Variants in MEIOB observed in about 807,000 individuals in gnomAD.
MEIOB encodes meiosis specific with OB-fold.
MEIOB carries 50 observed loss-of-function variants against 53.1 expected under a neutral mutation model. The ratio of observed to expected loss-of-function variants is 0.94; its 90% CI spans 0.75 to 1.19. The LOEUF (loss-of-function observed/expected upper bound fraction) is 1.19, where lower values mean the gene tolerates loss of function less well. Among genes scored for constraint, MEIOB ranks in the 50% most tolerant of loss-of-function variants. The pLI, the probability that MEIOB is intolerant of heterozygous loss-of-function variation, is 0.00. For synonymous variants in MEIOB, 192 were observed against 182.5 expected, an observed-to-expected ratio of 1.05 and a Z score of -0.42; for missense variants, 551 against 550.8, an observed-to-expected ratio of 1.00 and a Z score of 0.00.
At chr16:1,871,826 TG>T (rs1292345167) in intron 1 of MEIOB, among the ~76,000 whole-genome samples, 166 bp downstream of exon 1, 2 of 18,600 alleles carry the variant, frequency 1.1e-4, no homozygotes, top group East Asian at 1.7e-3. Flanking sequence ...CCAGGTATGG[TG>T]GCGCACGCCT....
In MEIOB at chr16:1,839,272, C is replaced by G; in HGVS notation, c.1201G>C (p.Glu401Gln). 1 of 1,610,952 alleles carries G rather than the reference C, an allele frequency of 6.2e-7. No homozygotes were observed. Among genetic ancestry groups the G allele is most frequent in the Non-Finnish European group, 8.5e-7 (1 of 1,178,766 alleles). The change falls in exon 12 of 14, where the codon GAG becomes CAG. Residue 401 changes from glutamate to glutamine, a missense_variant. By Grantham distance (29) the Glu-to-Gln change is conservative (BLOSUM62 2). Coordinates refer to ENST00000325962, the MANE Select transcript of MEIOB (RefSeq NM_001163560.3). ...SCSLTGSVAE[E>Q]TLGCTVHEFL... Reference sequence around the variant, plus strand: ...CTATTTACCGTGCAGCCCAAAGTCTCCTCAGCAACACTTCCTGTGAGACTA... The same window carrying G: ...CTATTTACCGTGCAGCCCAAAGTCTGCTCAGCAACACTTCCTGTGAGACTA...
chr16:1,862,491 G>A (rs982390308), intron 3 of MEIOB, among the ~76,000 whole-genome samples: 2 of 152,148 alleles, frequency 1.3e-5, no homozygotes, highest in Non-Finnish European at 1.5e-5. Context: ...GATCTAAATA[G>A]TTATTTCAGT....
chr16:1,866,287 G>A (rs911355853), intron 2 of MEIOB, among the ~76,000 whole-genome samples: 1 of 152,130 alleles, frequency 6.6e-6, no homozygotes, highest in African/African-American at 2.4e-5. Flanking sequence ...AAATTAGACT[G>A]TAACAAAACT....
chr16:1,846,327 T>G (rs530361887), intron 9 of MEIOB, among the ~76,000 whole-genome samples: 2 of 152,218 alleles, frequency 1.3e-5, no homozygotes, highest in South Asian at 2.1e-4. Flanking sequence ...AGGTCCTCAC[T>G]GACAATAGCG....
At chr16:1,860,717 T>C (rs1287492024) in intron 4 of MEIOB, among the ~76,000 whole-genome samples, 2 of 152,208 alleles carry the variant, frequency 1.3e-5, no homozygotes, top group South Asian at 4.1e-4. Context: ...TGTCTATAGC[T>C]ATACTGGGCC....
At chr16:1,839,152 G>T in intron 12 of MEIOB, 103 bp downstream of exon 12, 1 of 1,345,698 alleles carries the variant, frequency 7.4e-7, no homozygotes, top group Non-Finnish European at 9.9e-7. Flanking sequence ...GTTTATTAGT[G>T]AATCAATTTC....
At chr16:1,847,112 G>A (rs1432439511) in intron 9 of MEIOB, among the ~76,000 whole-genome samples, 8 of 152,070 alleles carry the variant, frequency 5.3e-5, no homozygotes, top group Non-Finnish European at 8.8e-5. Flanking sequence ...CCGAGATCAC[G>A]CCACTGCACT....
At chr16:1,845,296 A>G (rs3848352) in intron 9 of MEIOB, among the ~76,000 whole-genome samples, 64,771 of 151,926 alleles carry the variant, frequency 0.43, 14,271 homozygotes, top group South Asian at 0.64. Flanking sequence ...GAAGCAGGTG[A>G]ATCACAAGGT....
chr16:1,857,123 C>T (rs1899327384), intron 6 of MEIOB, among the ~76,000 whole-genome samples: 1 of 152,174 alleles, frequency 6.6e-6, no homozygotes, highest in African/African-American at 2.4e-5. Flanking sequence ...CAATCTCCGC[C>T]TTGTGGCTCT....
At chr16:1,836,035 G>A (rs1167894571) in intron 13 of MEIOB, among the ~76,000 whole-genome samples, 2 of 151,764 alleles carry the variant, frequency 1.3e-5, no homozygotes, top group Non-Finnish European at 2.9e-5. Context: ...AATTTTTGTA[G>A]TTTTAGCAGA....
chr16:1,856,801 T>C (rs1899320463), intron 6 of MEIOB, among the ~76,000 whole-genome samples: 1 of 137,910 alleles, frequency 7.3e-6, no homozygotes, highest in South Asian at 2.4e-4. Flanking sequence ...TCTCCCTCTA[T>C]TGCCCAGGCT....
Position 1,842,703 on chromosome 16 carries a change from G to A in MEIOB, c.881-730C>T, listed in dbSNP as rs143091765. Among the ~76,000 whole-genome samples, 749 of 147,076 alleles carry A rather than the reference G, an allele frequency of 5.1e-3. 24 individuals are homozygous for A. In the East Asian group the frequency reaches 0.1, roughly 20 times the overall value. Reference sequence around the variant, plus strand: ...TTTTGAGACAGAGTCTCACTCTGTCGCCCAGGCGGTAGTGCAGTGGCGCGA... The same window carrying A: ...TTTTGAGACAGAGTCTCACTCTGTCACCCAGGCGGTAGTGCAGTGGCGCGA... On this transcript the variant is annotated intron_variant, in intron 10 of 13. Coordinates refer to ENST00000325962, the MANE Select transcript of MEIOB (RefSeq NM_001163560.3).
Position 1,844,916 on chromosome 16 carries a change from C to G in MEIOB, c.826G>C (p.Glu276Gln). ...ILLNFIRENKETNVLDDEIDS... is the reference protein window; with the variant it reads ...ILLNFIRENKQTNVLDDEIDS... ...ATTTCATCATCCAGAACATTCGTTT[C>G]TTTATTTTCTCGTATAAAATTCAGC... The change falls in exon 10 of 14, where the codon GAA becomes CAA. Residue 276 changes from glutamate (E) to glutamine (Q), a missense_variant. Transcript: ENST00000325962. 1.3e-6 allele frequency: 2 copies of G among 1,554,122 alleles called. No individual in the cohort carries two copies. The highest frequency in any genetic ancestry group is 1.8e-6 in the Non-Finnish European group (2 of 1,132,292).
intron 9 of MEIOB, among the ~76,000 whole-genome samples, chr16:1,847,587 G>GAAGAA (rs1899057580): frequency 7.0e-6 from 1 of 142,754 alleles, no homozygotes; most frequent in Non-Finnish European, 1.5e-5. Context: ...CCAAAAAAAA[G>GAAGAA]AAGAAAAGAG....
Position 1,855,557 on chromosome 16 carries a change from G to T in MEIOB, c.529-1357C>A, listed in dbSNP as rs578025077. Among the ~76,000 whole-genome samples the T allele has an allele frequency of 5.9e-5, 9 of 152,330 alleles. 1 individual carries two copies. The South Asian group carries it at 1.7e-3, about 28-fold the overall frequency. ...GAAAGGTTCCAGACTCACTGAGGGG[G>T]TGGGAAAGCTGCCGCAGTTTCCTGC... On this transcript the variant is annotated intron_variant, in intron 6 of 13. Coordinates refer to ENST00000325962, the MANE Select transcript of MEIOB (RefSeq NM_001163560.3).
chr16:1,834,403 T>G lies in MEIOB; in HGVS notation c.1306-37A>C. ...AACAGAAAAAGAGACAAAAGGTTAA[T>G]TTTTAAAATCCCCTTGTATATCAAG... On this transcript the variant is annotated intron_variant, in intron 13 of 13. Transcript: ENST00000325962. 5 of 1,144,092 alleles carry G rather than the reference T, an allele frequency of 4.4e-6. No homozygotes were observed. In the South Asian group the frequency reaches 6.5e-5, roughly 15 times the overall value. 70.9% of individuals were successfully genotyped at this position (1,144,092 alleles called of 1,614,324 possible).
chr16:1,869,432 C>A (rs948028105), intron 1 of MEIOB, among the ~76,000 whole-genome samples: 2 of 151,424 alleles, frequency 1.3e-5, no homozygotes, highest in Admixed American at 6.6e-5. Context: ...TAGAGTTTTA[C>A]ATGCAAGATG....
rs1567282641 is a variant in MEIOB, at chr16:1,867,461, AATTTTTT to A, written c.69+639_69+645del. On this transcript the variant is annotated intron_variant, in intron 2 of 13. Transcript: ENST00000325962. ...TTGCTACTGCTGAACAAAATGGTTT[AATTTTTT>A]TTTTTTTTTTTTTTTTTTTTTTTTT... 3.9e-3 allele frequency among the ~76,000 whole-genome samples: 475 copies of A among 123,050 alleles called. 2 individuals are homozygous for A. Among genetic ancestry groups the A allele is most frequent in the African/African-American group, 0.015 (455 of 31,074 alleles). The allele number at this position is 123,050 out of a possible 152,430, so 80.7% of individuals were successfully genotyped here.
intron 3 of MEIOB, among the ~76,000 whole-genome samples, chr16:1,863,548 G>A (rs947831732): frequency 6.6e-6 from 1 of 151,646 alleles, no homozygotes; most frequent in East Asian, 1.9e-4. Context: ...CACCATGCCT[G>A]GCTAATTTTG....
Sources: allele counts gnomAD v4.1 joint callset (sites outside exome capture counted in the v4.1 genomes callset), GRCh38; gene constraint gnomAD v4.1.1; transcripts MANE v1.5; gene names NCBI Gene and HGNC (gene_info 2026-07-23, HGNC 2026-07-21).